Variants in ADGRV1 observed in about 807,000 individuals in gnomAD.
The protein encoded by ADGRV1 is G-protein coupled receptor 98.
ADGRV1 carries 359 observed loss-of-function variants against 596.2 expected under a neutral mutation model. The ratio of observed to expected loss-of-function variants is 0.60; its 90% confidence interval spans 0.55 to 0.66. The LOEUF (loss-of-function observed/expected upper bound fraction) is 0.66. Among genes scored for constraint, ADGRV1 ranks in the 30% least tolerant of loss-of-function variants. ADGRV1 has a pLI of 0.00. For synonymous variants in ADGRV1, 2,681 were observed against 2,679.2 expected, an observed-to-expected ratio of 1.00 and a Z score of -0.02; for missense variants, 7,274 against 7,575.6, an observed-to-expected ratio of 0.96 and a Z score of 1.48.
chr5:90,860,306 C>CT (rs112568337), intron 82 of ADGRV1, among the ~76,000 whole-genome samples: 6,257 of 146,226 alleles, frequency 0.043, 176 homozygotes, highest in South Asian at 0.066. Flanking sequence ...TACTAGAAAT[C>CT]TTTTTTTTTT....
At chr5:91,160,706 G>A (rs973685459) in intron 89 of ADGRV1, among the ~76,000 whole-genome samples, 2 of 151,690 alleles carry the variant, frequency 1.3e-5, no homozygotes, top group East Asian at 3.9e-4. Context: ...CAAACTACCC[G>A]CCTATACCAT....
Position 90,965,586 on chromosome 5 carries a change from G to A in ADGRV1, c.17973+55G>A, listed in dbSNP as rs938386884. On this transcript the variant is annotated intron_variant, in intron 84 of 89. Transcript: ENST00000405460. ...TTTAATCTTTTAATGAATCTGGGTG[G>A]AGTGGTCTTAATGTCTGATACTCTG... 2.7e-5 allele frequency: 27 copies of A among 1,018,336 alleles called. No individual in the cohort carries two copies. The highest frequency in any genetic ancestry group is 3.8e-5 in the Non-Finnish European group (25 of 659,132). 63.1% of individuals were successfully genotyped at this position (1,018,336 alleles called of 1,614,324 possible). A position where few individuals can be genotyped will look rare whatever the true frequency, so the allele number is the denominator to read the frequency against.
chr5:91,119,085 AT>A (rs1793088956), intron 87 of ADGRV1, among the ~76,000 whole-genome samples: 1 of 152,238 alleles, frequency 6.6e-6, no homozygotes, highest in Non-Finnish European at 1.5e-5. Context: ...AGCCTTTAGC[AT>A]ACAAGGACTC....
At chr5:90,838,433 A>G (rs1303036145) in intron 77 of ADGRV1, among the ~76,000 whole-genome samples, 2 of 152,060 alleles carry the variant, frequency 1.3e-5, no homozygotes, top group Non-Finnish European at 2.9e-5. Context: ...TCTCCAGGCT[A>G]GACTATATAG....
rs566851512 is a variant in ADGRV1 at position 90,560,074 on chromosome 5, T to C, written c.22+1157T>C. 9.9e-5 allele frequency among the ~76,000 whole-genome samples: 15 copies of C among 152,274 alleles called. No homozygotes were observed. The South Asian group carries it at 1.0e-3, about 11-fold the overall frequency. Reference sequence around the variant, plus strand: ...CTCTGAACTGTGTTATAATAAAATATATTAAATATATGTGATTAGGTATAA... The same window carrying C: ...CTCTGAACTGTGTTATAATAAAATACATTAAATATATGTGATTAGGTATAA... On this transcript the variant is annotated intron_variant, in intron 1 of 89. Transcript: ENST00000405460.
chr5:90,986,889 T>G (rs1246185230), intron 85 of ADGRV1, among the ~76,000 whole-genome samples: 2 of 152,182 alleles, frequency 1.3e-5, no homozygotes, highest in African/African-American at 4.8e-5. Flanking sequence ...TAGCAGATCA[T>G]TCTTTTCATG....
intron 85 of ADGRV1, among the ~76,000 whole-genome samples, chr5:91,021,859 A>C (rs979849761): frequency 6.6e-6 from 1 of 152,130 alleles, no homozygotes; most frequent in African/African-American, 2.4e-5. Context: ...AACAGCTGTA[A>C]CATTTGGAAT....
intron 7 of ADGRV1, 199 bp downstream of exon 7, chr5:90,627,975 T>C (rs978742390): frequency 2.7e-6 from 1 of 372,916 alleles, no homozygotes; most frequent in African/African-American, 2.2e-5. Flanking sequence ...AATATGTCAT[T>C]TTTTCTACCA....
intron 43 of ADGRV1, chr5:90,717,932 T>G (rs1750374231): frequency 6.6e-6 from 1 of 152,252 alleles, no homozygotes; most frequent in African/African-American, 2.4e-5. Context: ...ATTAAAGGCA[T>G]GAACCACTGT....
At chr5:90,816,980 TTG>T (rs1237265697) in intron 75 of ADGRV1, among the ~76,000 whole-genome samples, 4 of 152,050 alleles carry the variant, frequency 2.6e-5, no homozygotes, top group Non-Finnish European at 2.9e-5. Context: ...CCCTGAGGAA[TTG>T]CCACACTGAC....
intron 85 of ADGRV1, among the ~76,000 whole-genome samples, chr5:91,067,634 C>G (rs954270851): frequency 2.6e-5 from 4 of 152,160 alleles, no homozygotes; most frequent in Non-Finnish European, 5.9e-5. Context: ...TGTACAAAAT[C>G]TTTATATTCC....
chr5:90,915,650 G>C (rs1010421319), intron 83 of ADGRV1, among the ~76,000 whole-genome samples: 2 of 152,196 alleles, frequency 1.3e-5, no homozygotes, highest in African/African-American at 4.8e-5. Flanking sequence ...TAGCCACTGT[G>C]ATCAATGCAT....
intron 83 of ADGRV1, among the ~76,000 whole-genome samples, chr5:90,964,639 AGCTAGGT>A (rs985265859): frequency 9.2e-5 from 14 of 152,000 alleles, no homozygotes; most frequent in African/African-American, 3.1e-4. Flanking sequence ...CCAGTCACTG[AGCTAGGT>A]GCTTGGGTTC....
Position 90,853,341 on chromosome 5 carries a change from TCCTCAG to T in ADGRV1, c.17264_17269del (p.Pro5755_Gln5756del). 6.2e-7 allele frequency: 1 copy of T among 1,613,458 alleles called. No individual in the cohort carries two copies. The highest frequency in any genetic ancestry group is 8.5e-7 in the Non-Finnish European group (1 of 1,179,528). ...TGTCAATATTGGCTCTTCACTGGTATCCTCAGCAAATCAATGGACACAAGTTTGAAG... is the reference window on the plus strand; with the variant it reads ...TGTCAATATTGGCTCTTCACTGGTATCAAATCAATGGACACAAGTTTGAAG... On this transcript the variant is annotated inframe_deletion, in exon 80 of 90. Coordinates refer to ENST00000405460, the MANE Select transcript of ADGRV1 (RefSeq NM_032119.4).
chr5:90,673,448 A>T (rs946884111), intron 22 of ADGRV1, among the ~76,000 whole-genome samples: 2 of 152,206 alleles, frequency 1.3e-5, no homozygotes, highest in African/African-American at 4.8e-5. Context: ...ACTGTCAGAA[A>T]ATGCTACTGC....
In ADGRV1 at chr5:90,661,923, G is replaced by A. The variant is rs187868799; in HGVS notation, c.4752+3645G>A. On this transcript the variant is annotated intron_variant, in intron 21 of 89. Coordinates refer to ENST00000405460, the MANE Select transcript of ADGRV1 (RefSeq NM_032119.4). ...ATACCGGAGTCTAGTATTTCTGAAA[G>A]TGTTGCCCTTGGATGACCTTGTCAG... Among the ~76,000 whole-genome samples, 237 of 152,236 alleles carry A rather than the reference G, an allele frequency of 1.6e-3. 1 individual carries two copies. The highest frequency in any genetic ancestry group is 2.6e-3 in the Non-Finnish European group (179 of 68,020).
chr5:91,043,810 T>A (rs1055630982), intron 85 of ADGRV1, among the ~76,000 whole-genome samples: 5 of 151,946 alleles, frequency 3.3e-5, no homozygotes, highest in African/African-American at 1.2e-4. Context: ...TGGTATGCCC[T>A]CTCCAAATGT....
chr5:91,094,242 C>T (rs899812903), intron 86 of ADGRV1, among the ~76,000 whole-genome samples: 5 of 151,756 alleles, frequency 3.3e-5, no homozygotes, highest in African/African-American at 9.7e-5. Context: ...GGCGGATCAC[C>T]GAAGTCAGTA....
At chr5:91,050,833 T>C (rs1786257319) in intron 85 of ADGRV1, among the ~76,000 whole-genome samples, 1 of 152,206 alleles carries the variant, frequency 6.6e-6, no homozygotes, top group Non-Finnish European at 1.5e-5. Context: ...CATTCCAGCC[T>C]GGGTGATGGA....
Sources: gnomAD v4.1 joint callset for allele counts (sites outside exome capture counted in the v4.1 genomes callset) on GRCh38, gnomAD v4.1.1 for gene constraint, MANE v1.5 for transcripts, NCBI Gene and HGNC (gene_info 2026-07-23, HGNC 2026-07-21) for gene names.